The following TRPC1 variants were observed in gnomAD, a reference collection of about 807,000 sequenced individuals.
TRPC1 encodes the protein short transient receptor potential channel 1.
In TRPC1, 42 loss-of-function variants were observed where a neutral mutation model predicts 88.2. The observed-to-expected ratio is 0.48, with a 90% CI of 0.37 to 0.62. The LOEUF (loss-of-function observed/expected upper bound fraction) is 0.62. Among genes scored for constraint, TRPC1 ranks in the 20% least tolerant of loss-of-function variants. The probability of loss-of-function intolerance (pLI) is 0.00; values close to 1 mark genes in which losing one functional copy is unlikely to be tolerated. For synonymous variants in TRPC1, 288 were observed against 331.8 expected, an observed-to-expected ratio of 0.87 and a Z score of 1.43; for missense variants, 699 against 957.3, an observed-to-expected ratio of 0.73 and a Z score of 3.56.
At chr3:142,794,751 C>T (rs976660510) in intron 9 of TRPC1, among the ~76,000 whole-genome samples, 5 of 152,060 alleles carry the variant, frequency 3.3e-5, no homozygotes, top group Non-Finnish European at 5.9e-5. Context: ...CCATCTCATC[C>T]GACGGGATTA....
At chr3:142,760,314 C>T (rs1416320402) in intron 4 of TRPC1, among the ~76,000 whole-genome samples, 1 of 152,152 alleles carries the variant, frequency 6.6e-6, no homozygotes, top group East Asian at 1.9e-4. Context: ...ATCCAGCTTT[C>T]CCAGCAGCAT....
rs1936791870 is a variant in TRPC1 at position 142,806,273 on chromosome 3, CAG to C, written c.*40_*41del. On this transcript the variant is annotated 3_prime_UTR_variant, in exon 13 of 13. Transcript: ENST00000476941. ...TCATGGAGCGAATAATTTTCAATAACAGATCCAAAAGACTATATTGCATAACT... is the reference window on the plus strand; with the variant it reads ...TCATGGAGCGAATAATTTTCAATAACATCCAAAAGACTATATTGCATAACT... 2 of 1,516,890 alleles carry C rather than the reference CAG, an allele frequency of 1.3e-6. No homozygotes were observed. Among genetic ancestry groups the C allele is most frequent in the Admixed American group, 1.8e-5 (1 of 55,472 alleles). 94.0% of individuals were successfully genotyped at this position (1,516,890 alleles called of 1,614,324 possible). A position where few individuals can be genotyped will look rare whatever the true frequency, so the allele number is the denominator to read the frequency against.
intron 4 of TRPC1, among the ~76,000 whole-genome samples, chr3:142,773,216 A>G (rs1289284342): frequency 2.0e-5 from 3 of 152,040 alleles, no homozygotes; most frequent in East Asian, 3.9e-4. Flanking sequence ...AATTTCCATT[A>G]TAGTCTTTTT....
chr3:142,731,416 G>A (rs563332849), intron 1 of TRPC1, among the ~76,000 whole-genome samples: 23 of 118,048 alleles, frequency 1.9e-4, no homozygotes, highest in South Asian at 8.3e-4. Flanking sequence ...ACCGAGTCTC[G>A]CTCTGTCGCC....
At chr3:142,788,561 A>G (rs1183294885) in intron 7 of TRPC1, among the ~76,000 whole-genome samples, 3 of 152,176 alleles carry the variant, frequency 2.0e-5, no homozygotes, top group Middle Eastern at 6.8e-3. Flanking sequence ...GATGTCAAGC[A>G]GACAGTTGGT....
chr3:142,732,456 G>A (rs942225074), intron 1 of TRPC1, among the ~76,000 whole-genome samples: 1 of 152,156 alleles, frequency 6.6e-6, no homozygotes, highest in African/African-American at 2.4e-5. Context: ...TGGAGGCCTT[G>A]TGGAGAAGGG....
intron 6 of TRPC1, among the ~76,000 whole-genome samples, chr3:142,783,873 T>C (rs930734428): frequency 9.2e-5 from 14 of 152,164 alleles, no homozygotes; most frequent in African/African-American, 3.1e-4. Flanking sequence ...TCAGGACCCT[T>C]AAGTTATACT....
rs1315436406 is a variant in TRPC1, at chr3:142,724,946, GC to G, written c.172+216del. Reference sequence around the variant, plus strand: ...GGAGCTGGGGCTGCGCCCTCGGAGCGCTGCACCGTCGGGGGTGGCTCTGGCC... The same window carrying G: ...GGAGCTGGGGCTGCGCCCTCGGAGCGTGCACCGTCGGGGGTGGCTCTGGCC... On this transcript the variant is annotated intron_variant, in intron 1 of 12. Coordinates refer to ENST00000476941, the MANE Select transcript of TRPC1 (RefSeq NM_001251845.2). This position sits in a 1 kb window ranked among gnomAD's most constrained non-coding sequence, Gnocchi z 5.6. Among the ~76,000 whole-genome samples the G allele has an allele frequency of 5.9e-5, 9 of 152,212 alleles. No individual in the cohort carries two copies. The East Asian group carries it at 7.7e-4, about 13-fold the overall frequency.
chr3:142,766,711 C>T (rs1224754771), intron 4 of TRPC1, among the ~76,000 whole-genome samples: 1 of 152,072 alleles, frequency 6.6e-6, no homozygotes. Context: ...TGCTGGATGC[C>T]CTCAAACACT....
intron 1 of TRPC1, among the ~76,000 whole-genome samples, chr3:142,732,789 A>T (rs1352497712): frequency 1.3e-5 from 2 of 152,220 alleles, no homozygotes; most frequent in East Asian, 3.8e-4. Context: ...AAGACAAAAG[A>T]TGTAACTCTT....
intron 4 of TRPC1, among the ~76,000 whole-genome samples, chr3:142,761,618 C>T (rs993955679): frequency 6.6e-5 from 10 of 152,036 alleles, no homozygotes; most frequent in Non-Finnish European, 1.2e-4. Flanking sequence ...CCCTCCTTTT[C>T]AGTATTTTTG....
chr3:142,805,922 G>A (rs1166466387), intron 12 of TRPC1, 86 bp from the exon 13 acceptor site: 6 of 1,185,740 alleles, frequency 5.1e-6, no homozygotes, highest in Non-Finnish European at 7.2e-6. Context: ...TTAAAGATGT[G>A]TTTGTGTCTG....
rs368166164 is a variant in TRPC1, at chr3:142,776,858, G to A, written c.633-774G>A. ...TCGGAGGTTGCGGTGAGCCGAGATC[G>A]TGCCATTGCACTCCGGTCTGGTGAC... On this transcript the variant is annotated intron_variant, in intron 4 of 12. Transcript: ENST00000476941. The surrounding 1 kb of genome is among the most constrained non-coding windows in gnomAD (Gnocchi z 4.1). Among the ~76,000 whole-genome samples the A allele has an allele frequency of 9.9e-5, 15 of 151,696 alleles. No individual in the cohort carries two copies. Among genetic ancestry groups the A allele is most frequent in the Non-Finnish European group, 1.6e-4 (11 of 67,930 alleles).
At chr3:142,756,361 C>CTTT (rs749438384) in intron 4 of TRPC1, among the ~76,000 whole-genome samples, 5 of 136,582 alleles carry the variant, frequency 3.7e-5, no homozygotes, top group African/African-American at 1.1e-4. Context: ...TATGATGGTT[C>CTTT]TTTTTTTTTT....
At chr3:142,763,959 A>AATATATATATATATATATATAT (rs1159520441) in intron 4 of TRPC1, among the ~76,000 whole-genome samples, 4,228 of 75,186 alleles carry the variant, frequency 0.056, 287 homozygotes, top group Non-Finnish European at 0.076. Flanking sequence ...AAAAAAAAGA[A>AATATATATATATATATATATAT]ATATATATAT....
At chr3:142,790,877 C>A in intron 7 of TRPC1, 142 bp from the exon 8 acceptor site, 1 of 671,460 alleles carries the variant, frequency 1.5e-6, no homozygotes, top group Non-Finnish European at 2.1e-6. Context: ...GAACTTTTCA[C>A]TAAAATGTTT....
chr3:142,757,160 A>G (rs1216483820), intron 4 of TRPC1, among the ~76,000 whole-genome samples: 1 of 152,108 alleles, frequency 6.6e-6, no homozygotes, highest in Non-Finnish European at 1.5e-5. Context: ...TATCTTGACT[A>G]TTGTGTACAA....
chr3:142,749,902 A>T (rs890966520), intron 4 of TRPC1, among the ~76,000 whole-genome samples: 1 of 152,172 alleles, frequency 6.6e-6, no homozygotes, highest in Admixed American at 6.5e-5. Flanking sequence ...CCTTCCTTAC[A>T]CCTTATACAA....
Position 142,792,614 on chromosome 3 carries a change from A to G in TRPC1, c.1438-210A>G, listed in dbSNP as rs1936324613. Among the ~76,000 whole-genome samples the G allele has an allele frequency of 6.6e-6, 1 of 152,020 alleles. No individual in the cohort carries two copies. The highest frequency in any genetic ancestry group is 1.5e-5 in the Non-Finnish European group (1 of 67,944). ...TAAGAGTTTCTGGAAAAACCTCTTC[A>G]TATAGAGTGATAATGCCTCACATAC... On this transcript the variant is annotated intron_variant, in intron 8 of 12. Coordinates refer to ENST00000476941, the MANE Select transcript of TRPC1 (RefSeq NM_001251845.2). The surrounding 1 kb of genome is among the most constrained non-coding windows in gnomAD (Gnocchi z 4.0).
Sources: gnomAD v4.1 joint callset for allele counts (sites outside exome capture counted in the v4.1 genomes callset) on GRCh38, gnomAD v4.1.1 for gene constraint, Gnocchi (gnomAD v3.1) non-coding constraint, MANE v1.5 for transcripts, NCBI Gene and HGNC (gene_info 2026-07-23, HGNC 2026-07-21) for gene names.